NKAIN2: variants seen among roughly 807,000 people sequenced by gnomAD.
NKAIN2 encodes sodium/potassium-transporting ATPase subunit beta-1-interacting protein 2.
In NKAIN2, 14 loss-of-function variants were observed where a neutral mutation model predicts 32.6. The observed-to-expected ratio is 0.43, with a 90% confidence interval of 0.28 to 0.67. The LOEUF (loss-of-function observed/expected upper bound fraction) is 0.67. Among genes scored for constraint, NKAIN2 ranks in the 30% least tolerant of loss-of-function variants. The pLI is 0.17. For missense variants in NKAIN2, 198 were observed against 258.3 expected (o/e 0.77, Z 1.60); for synonymous variants, 80 against 87.2 (o/e 0.92, Z 0.46).
chr6:124,764,022 C>T (rs779676163), intron 4 of NKAIN2, among the ~76,000 whole-genome samples: 1 of 152,160 alleles, frequency 6.6e-6, no homozygotes, highest in East Asian at 1.9e-4. Context: ...CAAAGTCTGA[C>T]ACTTCTGCAT....
intron 1 of NKAIN2, among the ~76,000 whole-genome samples, chr6:124,244,749 GAC>G (rs1307517798): frequency 1.3e-5 from 2 of 151,884 alleles, no homozygotes; most frequent in East Asian, 3.9e-4. Flanking sequence ...TTGTTTCCTT[GAC>G]ACTTTACAGG....
intron 6 of NKAIN2, among the ~76,000 whole-genome samples, chr6:124,819,967 C>T (rs1025149698): frequency 2.0e-5 from 3 of 152,142 alleles, no homozygotes; most frequent in African/African-American, 7.2e-5. Flanking sequence ...CAAACATCAT[C>T]TTTTTTCCAA....
intron 1 of NKAIN2, among the ~76,000 whole-genome samples, chr6:123,838,022 A>C (rs1464249080): frequency 6.6e-6 from 1 of 152,146 alleles, no homozygotes; most frequent in Non-Finnish European, 1.5e-5. Flanking sequence ...CAGAAGAAAC[A>C]AGACTTTGAA....
chr6:123,954,830 G>T (rs1282240186), intron 1 of NKAIN2, among the ~76,000 whole-genome samples: 1 of 152,000 alleles, frequency 6.6e-6, no homozygotes, highest in Admixed American at 6.6e-5. Context: ...GAGTCTTTTG[G>T]TACCTAGGGG....
At chr6:123,868,613 G>A (rs867011079) in intron 1 of NKAIN2, among the ~76,000 whole-genome samples, 22 of 152,072 alleles carry the variant, frequency 1.4e-4, no homozygotes, top group African/African-American at 4.1e-4. Flanking sequence ...TATACAAATA[G>A]TATGGTTTAG....
At chr6:124,253,808 G>A (rs886333084) in intron 1 of NKAIN2, among the ~76,000 whole-genome samples, 2 of 150,468 alleles carry the variant, frequency 1.3e-5, no homozygotes, top group Admixed American at 6.6e-5. Flanking sequence ...TATAATACTC[G>A]GTTGTTTATG....
intron 1 of NKAIN2, among the ~76,000 whole-genome samples, chr6:124,141,889 G>A (rs1374388067): frequency 6.6e-6 from 1 of 152,130 alleles, no homozygotes; most frequent in Non-Finnish European, 1.5e-5. Context: ...CAACTCTAAT[G>A]ACATCTCAAA....
intron 2 of NKAIN2, among the ~76,000 whole-genome samples, chr6:124,336,807 G>A (rs961259360): frequency 1.3e-4 from 19 of 151,410 alleles, no homozygotes; most frequent in African/African-American, 4.4e-4. Context: ...CCAAGTAGCT[G>A]GGACTACAGG....
chr6:123,943,458 G>A (rs1776916186), intron 1 of NKAIN2, among the ~76,000 whole-genome samples: 2 of 151,956 alleles, frequency 1.3e-5, no homozygotes, highest in Non-Finnish European at 2.9e-5. Context: ...TCTCCTGGAG[G>A]TGATTCTTTG....
At chr6:123,950,112 A>C (rs916865034) in intron 1 of NKAIN2, among the ~76,000 whole-genome samples, 8 of 152,162 alleles carry the variant, frequency 5.3e-5, no homozygotes, top group African/African-American at 1.9e-4. Context: ...CATATGTAGA[A>C]CCATCCTTGC....
intron 3 of NKAIN2, among the ~76,000 whole-genome samples, chr6:124,432,981 G>A (rs914904527): frequency 1.3e-5 from 2 of 151,892 alleles, no homozygotes. Flanking sequence ...AAACAGTCAG[G>A]GCATCTAGCT....
At chr6:124,238,903 G>A (rs1401382476) in intron 1 of NKAIN2, among the ~76,000 whole-genome samples, 1 of 152,162 alleles carries the variant, frequency 6.6e-6, no homozygotes, top group Non-Finnish European at 1.5e-5. Context: ...GCATCATAAT[G>A]ACAGGAACAA....
At chr6:124,759,505 T>C (rs1280040857) in intron 4 of NKAIN2, among the ~76,000 whole-genome samples, 1 of 151,660 alleles carries the variant, frequency 6.6e-6, no homozygotes, top group Non-Finnish European at 1.5e-5. Flanking sequence ...CCCTCTGCGT[T>C]CTCTCCTCAC....
chr6:124,238,003 G>T (rs893898901), intron 1 of NKAIN2, among the ~76,000 whole-genome samples: 1 of 152,068 alleles, frequency 6.6e-6, no homozygotes. Flanking sequence ...GAACTAACAC[G>T]ATGCAGAGAC....
intron 5 of NKAIN2, among the ~76,000 whole-genome samples, chr6:124,815,252 A>G (rs1001592919): frequency 7.9e-5 from 10 of 126,622 alleles, no homozygotes; most frequent in African/African-American, 2.9e-4. Flanking sequence ...GTATATATGT[A>G]TATATATATG....
chr6:124,169,533 T>G (rs945949446), intron 1 of NKAIN2, among the ~76,000 whole-genome samples: 1 of 152,128 alleles, frequency 6.6e-6, no homozygotes, highest in Non-Finnish European at 1.5e-5. Flanking sequence ...TTAAATTAAT[T>G]TAGGCAAAAA....
intron 3 of NKAIN2, among the ~76,000 whole-genome samples, chr6:124,518,747 G>C (rs577186513): frequency 6.6e-6 from 1 of 152,156 alleles, no homozygotes; most frequent in African/African-American, 2.4e-5. Context: ...ATGAGATTAA[G>C]ATTATCCCCA....
chr6:124,470,832 A>G (rs986432350), intron 3 of NKAIN2, among the ~76,000 whole-genome samples: 2 of 152,226 alleles, frequency 1.3e-5, no homozygotes, highest in Non-Finnish European at 2.9e-5. Context: ...AAGTAAGTCA[A>G]TTTAAACTTA....
intron 2 of NKAIN2, among the ~76,000 whole-genome samples, chr6:124,336,501 T>A (rs1228336456): frequency 6.6e-6 from 1 of 152,076 alleles, no homozygotes. Flanking sequence ...TGAAAGAAAA[T>A]CCCAGAAGTA....
Sources: allele counts gnomAD v4.1 joint callset (sites outside exome capture counted in the v4.1 genomes callset), GRCh38; gene constraint gnomAD v4.1.1; transcripts MANE v1.5; gene names NCBI Gene and HGNC (gene_info 2026-07-23, HGNC 2026-07-21).